Variants in CSNK1G1 observed in about 807,000 individuals in gnomAD.
CSNK1G1 encodes the protein casein kinase 1 gamma 1, also known as casein kinase I isoform gamma-1.
A neutral mutation model predicts 59.6 loss-of-function variants in CSNK1G1; 22 were observed. That is an observed-to-expected ratio of 0.37 (90% CI 0.26 to 0.53). The LOEUF (loss-of-function observed/expected upper bound fraction) is 0.53. Ranked by LOEUF, CSNK1G1 falls within the 20% of genes least tolerant of loss-of-function variation. The probability of loss-of-function intolerance (pLI) is 0.89; values close to 1 mark genes in which losing one functional copy is unlikely to be tolerated. For synonymous variants in CSNK1G1, 179 were observed against 177.1 expected (o/e 1.01, Z -0.08); for missense variants, 384 against 519.5 (o/e 0.74, Z 2.54).
intron 4 of CSNK1G1, among the ~76,000 whole-genome samples, chr15:64,227,110 A>C (rs1042763900): frequency 2.6e-5 from 4 of 152,256 alleles, no homozygotes; most frequent in African/African-American, 9.6e-5. Flanking sequence ...ATGGCACTTG[A>C]GTTTTCCATT....
chr15:64,180,396 T>C lies in CSNK1G1; in HGVS notation c.1166A>G (p.Asn389Ser), dbSNP rs370798154. Reference sequence around the variant, plus strand: ...CTCGGCATGAGCTGTGATTGGTGCATTGGAGTGGGCTCCCGTGGGATCATC... The same window carrying C: ...CTCGGCATGAGCTGTGATTGGTGCACTGGAGTGGGCTCCCGTGGGATCATC... The part of the protein sequence containing the change: ...NVDDPTGAHS[N>S]APITAHAEVE... The change falls in exon 11 of 12, where the codon AAT becomes AGT. Residue 389 changes from asparagine (N) to serine (S), a missense_variant. Coordinates refer to ENST00000303052, the MANE Select transcript of CSNK1G1 (RefSeq NM_022048.5). 6.3e-5 allele frequency: 102 copies of C among 1,614,072 alleles called. No individual in the cohort carries two copies. Among genetic ancestry groups the C allele is most frequent in the Middle Eastern group, 3.3e-4 (2 of 6,084 alleles).
In CSNK1G1 at chr15:64,300,404, T is replaced by A. The variant is rs35105746; in HGVS notation, c.96A>T (p.Ser32=). The A allele has an allele frequency of 4.3e-6, 7 of 1,613,946 alleles. No homozygotes were observed. Among genetic ancestry groups the A allele is most frequent in the Non-Finnish European group, 5.9e-6 (7 of 1,179,940 alleles). The change falls in exon 2 of 12, where the codon TCA becomes TCT. Residue 32 remains serine (S), a synonymous_variant. Transcript: ENST00000303052. The stretch of plus-strand genomic sequence containing the variant: ...CCACCATAAGAACCCCAGAGGACGA[T>A]GAGGAGCCAGATGGTCGAGAGCAGT... The part of the protein sequence containing the change: ...SAHCSRPSGS[S]SSSGVLMVGP...
At chr15:64,323,989 T>G (rs1429712348) in intron 1 of CSNK1G1, among the ~76,000 whole-genome samples, 1 of 152,230 alleles carries the variant, frequency 6.6e-6, no homozygotes, top group Non-Finnish European at 1.5e-5. Flanking sequence ...CATTAAATCC[T>G]TCCACTACCT....
chr15:64,342,394 TTA>T (rs1457782627), intron 1 of CSNK1G1: 6 of 152,252 alleles, frequency 3.9e-5, no homozygotes, highest in African/African-American at 1.2e-4. Context: ...ATTATTAGTA[TTA>T]TGTTTTCTCA....
intron 1 of CSNK1G1, among the ~76,000 whole-genome samples, chr15:64,334,887 T>C (rs1329482966): frequency 6.6e-6 from 1 of 152,206 alleles, no homozygotes. Context: ...CTGTTTTATC[T>C]AACAGATGAC....
At chr15:64,252,917 C>T (rs998416476) in intron 3 of CSNK1G1, among the ~76,000 whole-genome samples, 1 of 152,146 alleles carries the variant, frequency 6.6e-6, no homozygotes, top group African/African-American at 2.4e-5. Context: ...CTCTTTAAAA[C>T]CTCAACAGTA....
At chr15:64,309,036 G>A (rs1353732817) in intron 1 of CSNK1G1, among the ~76,000 whole-genome samples, 2 of 152,018 alleles carry the variant, frequency 1.3e-5, no homozygotes, top group African/African-American at 2.4e-5. Flanking sequence ...CTTCCAAAGG[G>A]CCCTGGACCT....
chr15:64,240,517 CAAAG>C (rs1432660512), intron 4 of CSNK1G1, among the ~76,000 whole-genome samples: 2 of 150,666 alleles, frequency 1.3e-5, no homozygotes, highest in Non-Finnish European at 3.0e-5. Context: ...AAGTCAAACA[CAAAG>C]AGAGTACTCT....
At position 64,300,707 on chromosome 15, in the gene CSNK1G1, G is replaced by A. The variant is rs1895281125; in HGVS notation, c.-208C>T. The A allele has an allele frequency of 1.6e-6, 2 of 1,245,576 alleles. No individual in the cohort carries two copies. The highest frequency in any genetic ancestry group is 2.0e-6 in the Non-Finnish European group (2 of 994,596). 77.2% of individuals were successfully genotyped at this position (1,245,576 alleles called of 1,614,324 possible). The stretch of plus-strand genomic sequence containing the variant: ...ATGTAGTCACTAGGTCTCAATCTTA[G>A]GTGAACATCTTGTAACCTAGGTAAA... On this transcript the variant is annotated 5_prime_UTR_variant, in exon 2 of 12. Transcript: ENST00000303052.
chr15:64,259,178 T>C (rs773366485), intron 3 of CSNK1G1, 23 bp downstream of exon 3: 1 of 1,567,122 alleles, frequency 6.4e-7, no homozygotes, highest in South Asian at 1.2e-5. Context: ...AAACATTAAT[T>C]ACCACAAACA....
chr15:64,326,255 G>C (rs1248907780), intron 1 of CSNK1G1, among the ~76,000 whole-genome samples: 1 of 152,106 alleles, frequency 6.6e-6, no homozygotes, highest in African/African-American at 2.4e-5. Flanking sequence ...CGAACTCTTG[G>C]CCTCAAGTGA....
At chr15:64,186,883 GC>G (rs1307871381) in intron 10 of CSNK1G1, among the ~76,000 whole-genome samples, 2 of 151,966 alleles carry the variant, frequency 1.3e-5, no homozygotes, top group African/African-American at 4.8e-5. Flanking sequence ...GAGTGCAATG[GC>G]GTGATCTCGG....
chr15:64,305,524 C>G (rs1288233819), intron 1 of CSNK1G1, among the ~76,000 whole-genome samples: 1 of 151,506 alleles, frequency 6.6e-6, no homozygotes, highest in Non-Finnish European at 1.5e-5. Context: ...CAAGAACAGC[C>G]TGGGCAACAA....
chr15:64,241,577 A>T (rs1174595206), intron 4 of CSNK1G1, among the ~76,000 whole-genome samples: 2 of 152,232 alleles, frequency 1.3e-5, no homozygotes, highest in Non-Finnish European at 2.9e-5. Flanking sequence ...AATTTCAAAA[A>T]ATTTAAAATA....
At chr15:64,326,732 C>T (rs935069444) in intron 1 of CSNK1G1, among the ~76,000 whole-genome samples, 39 of 151,764 alleles carry the variant, frequency 2.6e-4, no homozygotes, top group Admixed American at 4.6e-4. Context: ...ACGCAGAAGA[C>T]GGGTGATTTC....
intron 4 of CSNK1G1, chr15:64,251,299 G>A (rs1892068063): frequency 2.3e-6 from 1 of 440,438 alleles, no homozygotes; most frequent in African/African-American, 2.0e-5. Context: ...TGGTCTGTGG[G>A]CATAGTCATA....
At chr15:64,301,982 A>T (rs923622132) in intron 1 of CSNK1G1, among the ~76,000 whole-genome samples, 39 of 152,218 alleles carry the variant, frequency 2.6e-4, no homozygotes, top group Admixed American at 4.6e-4. Context: ...AAGCAAAGAC[A>T]CCTATACTCT....
chr15:64,312,396 C>T (rs903092206), intron 1 of CSNK1G1, among the ~76,000 whole-genome samples: 9 of 152,074 alleles, frequency 5.9e-5, no homozygotes, highest in African/African-American at 2.2e-4. Flanking sequence ...GGTACTGGGA[C>T]CAAAACAGAT....
intron 3 of CSNK1G1, among the ~76,000 whole-genome samples, chr15:64,255,658 CT>C (rs1892337054): frequency 6.6e-6 from 1 of 152,120 alleles, no homozygotes; most frequent in Non-Finnish European, 1.5e-5. Context: ...TTTCAAATTC[CT>C]TTCACCTTTC....
Sources: allele counts gnomAD v4.1 joint callset (sites outside exome capture counted in the v4.1 genomes callset), GRCh38; gene constraint gnomAD v4.1.1; transcripts MANE v1.5; gene names NCBI Gene and HGNC (gene_info 2026-07-23, HGNC 2026-07-21).